Variants in NCAM2 observed in about 807,000 individuals in gnomAD.
The protein encoded by NCAM2 is neural cell adhesion molecule 2.
In NCAM2, 30 loss-of-function variants were observed where a neutral mutation model predicts 98.1. The ratio of observed to expected loss-of-function variants is 0.31; its 90% CI spans 0.23 to 0.41. The LOEUF is 0.41. Ranked by LOEUF, NCAM2 falls within the 10% of genes least tolerant of loss-of-function variation. The pLI is 1.00. For synonymous variants in NCAM2, 368 were observed against 342.4 expected, an observed-to-expected ratio of 1.07 and a Z score of -0.83; for missense variants, 867 against 1,005.8, an observed-to-expected ratio of 0.86 and a Z score of 1.87.
intron 5 of NCAM2, among the ~76,000 whole-genome samples, chr21:21,302,643 C>T (rs909711108): frequency 2.1e-4 from 32 of 152,066 alleles, no homozygotes; most frequent in Admixed American, 2.0e-3. Context: ...ATGTATATAA[C>T]TATTGTTGGA....
chr21:21,106,489 A>C, intron 1 of NCAM2, among the ~76,000 whole-genome samples: 1 of 152,152 alleles, frequency 6.6e-6, no homozygotes, highest in East Asian at 1.9e-4. Context: ...AAAAGCTAAA[A>C]CATTACCTAT....
intron 1 of NCAM2, among the ~76,000 whole-genome samples, chr21:21,087,287 A>G (rs2065924081): frequency 6.6e-6 from 1 of 152,096 alleles, no homozygotes; most frequent in South Asian, 2.1e-4. Context: ...GCTTCACGAA[A>G]CTGACTTGTA....
chr21:21,253,947 G>A (rs1236004446), intron 1 of NCAM2, among the ~76,000 whole-genome samples: 1 of 152,054 alleles, frequency 6.6e-6, no homozygotes, highest in Non-Finnish European at 1.5e-5. Context: ...GAGTATACAG[G>A]AATTTTCAAA....
At chr21:21,315,813 G>A (rs904655434) in intron 5 of NCAM2, among the ~76,000 whole-genome samples, 10 of 152,066 alleles carry the variant, frequency 6.6e-5, no homozygotes, top group South Asian at 4.1e-4. Flanking sequence ...TGTCTGCTGC[G>A]ATTTACTTTT....
At chr21:21,337,909 T>A (rs1282903493) in intron 7 of NCAM2, among the ~76,000 whole-genome samples, 1 of 152,120 alleles carries the variant, frequency 6.6e-6, no homozygotes, top group African/African-American at 2.4e-5. Flanking sequence ...CATTTACTTC[T>A]TTGGTGAAAT....
chr21:21,349,075 G>A (rs564497022), intron 8 of NCAM2, among the ~76,000 whole-genome samples: 2 of 152,098 alleles, frequency 1.3e-5, no homozygotes, highest in African/African-American at 4.8e-5. Context: ...CAAAGCAAAC[G>A]TAGACAAGTG....
intron 1 of NCAM2, among the ~76,000 whole-genome samples, chr21:21,139,649 T>C (rs1448903745): frequency 6.6e-6 from 1 of 152,188 alleles, no homozygotes; most frequent in Non-Finnish European, 1.5e-5. Context: ...ATTCACATTT[T>C]TGGAATTTTT....
At chr21:21,120,948 C>T (rs757383520) in intron 1 of NCAM2, among the ~76,000 whole-genome samples, 2 of 151,950 alleles carry the variant, frequency 1.3e-5, no homozygotes, top group Non-Finnish European at 1.5e-5. Context: ...GAACTCCTGA[C>T]CTCATGATCC....
chr21:21,235,767 C>T (rs574876056), intron 1 of NCAM2, among the ~76,000 whole-genome samples: 66 of 152,090 alleles, frequency 4.3e-4, no homozygotes, highest in African/African-American at 1.6e-3. Context: ...TTGACCAATA[C>T]CCTGAATTCA....
intron 1 of NCAM2, among the ~76,000 whole-genome samples, chr21:21,033,577 A>G (rs1383877025): frequency 6.6e-6 from 1 of 152,034 alleles, no homozygotes; most frequent in Non-Finnish European, 1.5e-5. Flanking sequence ...CCCCAAAACA[A>G]TGGCGTGAGA....
chr21:21,102,985 C>G (rs1336955866), intron 1 of NCAM2, among the ~76,000 whole-genome samples: 2 of 151,988 alleles, frequency 1.3e-5, no homozygotes, highest in Non-Finnish European at 2.9e-5. Flanking sequence ...CTAATGCATG[C>G]ATTCTTGTCT....
chr21:21,082,330 A>G (rs1200534596), intron 1 of NCAM2, among the ~76,000 whole-genome samples: 1 of 151,444 alleles, frequency 6.6e-6, no homozygotes, highest in Non-Finnish European at 1.5e-5. Flanking sequence ...CAGTAAGTAC[A>G]GAAGTGCTGT....
intron 2 of NCAM2, among the ~76,000 whole-genome samples, chr21:21,282,613 C>T (rs932633388): frequency 1.4e-4 from 21 of 151,514 alleles, no homozygotes; most frequent in South Asian, 4.2e-4. Context: ...CATTTCCAGA[C>T]GCCTTAAAAA....
intron 1 of NCAM2, among the ~76,000 whole-genome samples, chr21:21,280,027 T>C (rs1353336655): frequency 6.6e-6 from 1 of 152,242 alleles, no homozygotes; most frequent in Non-Finnish European, 1.5e-5. Context: ...CTCCTCTCTT[T>C]TATTGTCCTG....
Position 21,530,095 on chromosome 21 carries a change from T to G in NCAM2, c.2283-4442T>G, listed in dbSNP as rs5021233. 5.5e-4 allele frequency among the ~76,000 whole-genome samples: 69 copies of G among 126,424 alleles called. 1 individual carries two copies. Among genetic ancestry groups the G allele is most frequent in the African/African-American group, 2.0e-3 (66 of 33,658 alleles). The allele number at this position is 126,424 out of a possible 152,430, so 82.9% of individuals were successfully genotyped here. ...ATAAAATTATATAATTTAATTTAAT[T>G]TAATTATATATAATTTAATTTAATT... On this transcript the variant is annotated intron_variant, in intron 16 of 17. Transcript: ENST00000400546.
intron 12 of NCAM2, chr21:21,463,864 T>TTG (rs35536745): frequency 6.6e-6 from 1 of 151,718 alleles, no homozygotes; most frequent in Admixed American, 6.6e-5. Flanking sequence ...GATTTTTTTT[T>TTG]GCTGGGGTAT....
intron 1 of NCAM2, among the ~76,000 whole-genome samples, chr21:21,061,960 A>C (rs1323446653): frequency 6.6e-6 from 1 of 152,124 alleles, no homozygotes; most frequent in African/African-American, 2.4e-5. Context: ...GCCGTAATGG[A>C]GAGGGTAGCA....
At chr21:21,250,348 T>G (rs1463643480) in intron 1 of NCAM2, among the ~76,000 whole-genome samples, 1 of 152,228 alleles carries the variant, frequency 6.6e-6, no homozygotes, top group Non-Finnish European at 1.5e-5. Flanking sequence ...CATTACTCGT[T>G]AGCAAATTAG....
intron 8 of NCAM2, among the ~76,000 whole-genome samples, chr21:21,346,026 A>T (rs2075177119): frequency 1.3e-5 from 2 of 152,246 alleles, no homozygotes; most frequent in Middle Eastern, 3.4e-3. Flanking sequence ...AAATGGTAGT[A>T]GTAAGTCCTA....
Sources: gnomAD v4.1 joint callset for allele counts (sites outside exome capture counted in the v4.1 genomes callset) on GRCh38, gnomAD v4.1.1 for gene constraint, MANE v1.5 for transcripts, NCBI Gene and HGNC (gene_info 2026-07-23, HGNC 2026-07-21) for gene names.